Variants in FGF14 observed in about 807,000 individuals in gnomAD.
The protein encoded by FGF14 is fibroblast growth factor homologous factor 4.
Under a neutral mutation model 25.5 loss-of-function variants are expected in FGF14, and 5 were observed. The observed-to-expected ratio is 0.20, with a 90% CI of 0.10 to 0.41. The LOEUF is 0.41. Ranked by LOEUF, FGF14 falls within the 10% of genes least tolerant of loss-of-function variation. The probability of loss-of-function intolerance (pLI) is 1.00; values close to 1 mark genes in which losing one functional copy is unlikely to be tolerated. For missense variants in FGF14, 222 were observed against 320.1 expected, an observed-to-expected ratio of 0.69 and a Z score of 2.34; for synonymous variants, 138 against 118.3, an observed-to-expected ratio of 1.17 and a Z score of -1.08.
intron 1 of FGF14, among the ~76,000 whole-genome samples, chr13:102,015,430 AAC>A (rs1323282022): frequency 3.9e-5 from 6 of 152,222 alleles, no homozygotes; most frequent in African/African-American, 7.2e-5. Flanking sequence ...GAATTTAAAA[AAC>A]AGTTACCTTT....
upstream of FGF14, among the ~76,000 whole-genome samples, chr13:101,920,513 G>A (rs2033920711): frequency 6.6e-6 from 1 of 152,160 alleles, no homozygotes; most frequent in Non-Finnish European, 1.5e-5. Flanking sequence ...GTAAATAAAT[G>A]TAAAGATCCT....
intron 1 of FGF14, among the ~76,000 whole-genome samples, chr13:101,953,646 A>T (rs1468944545): frequency 6.6e-6 from 1 of 150,674 alleles, no homozygotes; most frequent in East Asian, 2.0e-4. Flanking sequence ...GCTGGAGTAC[A>T]ATGGCGCAAT....
intron 1 of FGF14, among the ~76,000 whole-genome samples, chr13:102,158,186 T>C (rs1240020834): frequency 6.6e-6 from 1 of 152,174 alleles, no homozygotes; most frequent in East Asian, 1.9e-4. Flanking sequence ...ACCCAAAGGA[T>C]TATAAATCAT....
intron 1 of FGF14, among the ~76,000 whole-genome samples, chr13:101,977,008 G>A (rs573723809): frequency 1.2e-4 from 18 of 152,194 alleles, no homozygotes; most frequent in African/African-American, 2.4e-4. Context: ...CACAAATAAC[G>A]TTATAAACTT....
chr13:102,315,819 T>C (rs1362750516), intron 1 of FGF14, among the ~76,000 whole-genome samples: 1 of 152,212 alleles, frequency 6.6e-6, no homozygotes, highest in African/African-American at 2.4e-5. Context: ...CACAGATTTA[T>C]TGAAGCTTTA....
At chr13:102,096,010 T>C (rs1223193709) in intron 1 of FGF14, among the ~76,000 whole-genome samples, 1 of 149,680 alleles carries the variant, frequency 6.7e-6, no homozygotes, top group African/African-American at 2.4e-5. Context: ...TGTATATATA[T>C]ATATATAATA....
intron 1 of FGF14, among the ~76,000 whole-genome samples, chr13:102,202,765 C>T (rs770065539): frequency 6.6e-6 from 1 of 152,166 alleles, no homozygotes; most frequent in Non-Finnish European, 1.5e-5. Context: ...GCTATCCTTA[C>T]GTAGTAGACA....
intron 3 of FGF14, among the ~76,000 whole-genome samples, chr13:101,822,764 A>G (rs1446426103): frequency 6.6e-6 from 1 of 152,224 alleles, no homozygotes; most frequent in Non-Finnish European, 1.5e-5. Context: ...GTTATTTTAA[A>G]GTATACAATA....
At chr13:102,157,147 G>GA (rs2047381255) in intron 1 of FGF14, among the ~76,000 whole-genome samples, 2 of 152,062 alleles carry the variant, frequency 1.3e-5, no homozygotes, top group South Asian at 2.1e-4. Flanking sequence ...CACAGAATTG[G>GA]AAAAAACTAC....
At chr13:101,776,302 G>A (rs141655193) in intron 3 of FGF14, among the ~76,000 whole-genome samples, 110 of 152,230 alleles carry the variant, frequency 7.2e-4, no homozygotes, top group Non-Finnish European at 1.3e-3. Context: ...TAGATGTTCC[G>A]TGAAACGCCA....
chr13:101,777,793 C>G (rs2039221262), intron 3 of FGF14, among the ~76,000 whole-genome samples: 1 of 152,040 alleles, frequency 6.6e-6, no homozygotes, highest in Non-Finnish European at 1.5e-5. Flanking sequence ...GAAACCCCAT[C>G]TCTATTAAAA....
chr13:101,848,115 T>C (rs1014319833), intron 3 of FGF14, among the ~76,000 whole-genome samples: 2 of 152,052 alleles, frequency 1.3e-5, no homozygotes, highest in African/African-American at 4.8e-5. Flanking sequence ...GCAACCATTT[T>C]ATACCTCTTG....
At chr13:102,053,760 T>C (rs1009608832) in intron 1 of FGF14, among the ~76,000 whole-genome samples, 4 of 152,156 alleles carry the variant, frequency 2.6e-5, no homozygotes, top group African/African-American at 9.6e-5. Context: ...TATAATGGCT[T>C]AGAACTTGTA....
At chr13:102,319,298 G>T (rs2056154845) in intron 1 of FGF14, among the ~76,000 whole-genome samples, 1 of 152,176 alleles carries the variant, frequency 6.6e-6, no homozygotes, top group Non-Finnish European at 1.5e-5. Flanking sequence ...ATGAATCCAT[G>T]TCTAATCATA....
intron 1 of FGF14, among the ~76,000 whole-genome samples, chr13:102,385,821 T>G (rs1034684444): frequency 4.6e-5 from 7 of 152,158 alleles, no homozygotes; most frequent in Non-Finnish European, 1.0e-4. Context: ...CATAAATACA[T>G]TCAACTTGCT....
At chr13:102,156,900 A>G (rs1418270057) in intron 1 of FGF14, among the ~76,000 whole-genome samples, 1 of 152,246 alleles carries the variant, frequency 6.6e-6, no homozygotes, top group Non-Finnish European at 1.5e-5. Flanking sequence ...GTGAACTCCC[A>G]TTCACAACTG....
At chr13:102,022,519 C>T (rs1215837630) in intron 1 of FGF14, among the ~76,000 whole-genome samples, 1 of 151,990 alleles carries the variant, frequency 6.6e-6, no homozygotes, top group Non-Finnish European at 1.5e-5. Flanking sequence ...CAGAGGAACC[C>T]AATCTTGCTG....
At chr13:102,297,251 G>T (rs1197031966) in intron 1 of FGF14, among the ~76,000 whole-genome samples, 1 of 152,034 alleles carries the variant, frequency 6.6e-6, no homozygotes, top group East Asian at 1.9e-4. Context: ...TTGAACCAAA[G>T]CTCTTCAAAA....
intron 1 of FGF14, among the ~76,000 whole-genome samples, chr13:102,094,243 C>G (rs2044293502): frequency 6.6e-6 from 1 of 152,004 alleles, no homozygotes; most frequent in South Asian, 2.1e-4. Context: ...TAATATGATT[C>G]AAGAAAAAGC....
Sources: allele counts gnomAD v4.1 joint callset (sites outside exome capture counted in the v4.1 genomes callset), GRCh38; gene constraint gnomAD v4.1.1; transcripts MANE v1.5; gene names NCBI Gene and HGNC (gene_info 2026-07-23, HGNC 2026-07-21).